Variants in ERCC6 observed in about 807,000 individuals in gnomAD.
ERCC6 encodes ERCC excision repair 6, chromatin remodeling factor.
Under a neutral mutation model 158.7 loss-of-function variants are expected in ERCC6, and 116 were observed. That is an observed-to-expected ratio of 0.73 (90% CI 0.63 to 0.85). The LOEUF (loss-of-function observed/expected upper bound fraction) is 0.85, where lower values mean the gene tolerates loss of function less well. Ranked by LOEUF, ERCC6 falls within the 40% of genes least tolerant of loss-of-function variation. ERCC6 has a pLI of 0.00. For synonymous variants in ERCC6, 678 were observed against 659.3 expected (o/e 1.03, Z -0.43); for missense variants, 1,698 against 1,799.4 (o/e 0.94, Z 1.02).
At chr10:49,506,045 T>C (rs1233475136) in intron 5 of ERCC6, 33 bp from the exon 6 acceptor site, 2 of 1,610,826 alleles carry the variant, frequency 1.2e-6, no homozygotes, top group East Asian at 2.2e-5. Context: ...ATTTCCATTA[T>C]TTTGATCACA....
At chr10:49,471,528 T>G (rs1416588536) in intron 16 of ERCC6, among the ~76,000 whole-genome samples, 1 of 152,042 alleles carries the variant, frequency 6.6e-6, no homozygotes, top group African/African-American at 2.4e-5. Flanking sequence ...TTGCAATGTC[T>G]CCACTCTGAC....
intron 7 of ERCC6, among the ~76,000 whole-genome samples, chr10:49,495,824 G>GCCAGGT (rs1334089459): frequency 6.6e-6 from 1 of 152,144 alleles, no homozygotes; most frequent in East Asian, 1.9e-4. Flanking sequence ...CTGTTGCTAT[G>GCCAGGT]CCAGGTCCAG....
At chr10:49,476,922 C>T (rs1370759525) in intron 11 of ERCC6, among the ~76,000 whole-genome samples, 4 of 152,180 alleles carry the variant, frequency 2.6e-5, no homozygotes, top group Non-Finnish European at 5.9e-5. Flanking sequence ...CCCTTTCAAC[C>T]CCCTGCATCT....
At chr10:49,473,720 A>T in intron 13 of ERCC6, 133 bp from the exon 14 acceptor site, 1 of 745,264 alleles carries the variant, frequency 1.3e-6, no homozygotes, top group South Asian at 1.4e-5. Flanking sequence ...TAGGACAGAT[A>T]AACAGAACTG....
intron 4 of ERCC6, among the ~76,000 whole-genome samples, chr10:49,526,091 TTATA>T (rs1381192956): frequency 3.7e-5 from 4 of 108,690 alleles, no homozygotes; most frequent in Non-Finnish European, 5.6e-5. Flanking sequence ...TTATTTATAT[TTATA>T]TATTTATATA....
At chr10:49,438,130 A>G in the ERCC6 span, among the ~76,000 whole-genome samples, 2 of 152,322 alleles carry the variant, frequency 1.3e-5, no homozygotes, top group South Asian at 2.1e-4. Flanking sequence ...CTGCAGATCC[A>G]GTGTGGACCC....
In ERCC6 at chr10:49,513,342, C is replaced by G. The variant is rs1836857077; in HGVS notation, c.1398-7330G>C. Among the ~76,000 whole-genome samples the G allele has an allele frequency of 3.3e-5, 5 of 152,190 alleles. No individual in the cohort carries two copies. The South Asian group carries it at 1.0e-3, about 31-fold the overall frequency. On this transcript the variant is annotated intron_variant, in intron 5 of 20. Transcript: ENST00000355832. The stretch of plus-strand genomic sequence containing the variant: ...GAGATTACATATACACACATACATA[C>G]ATATTTCTTAATTGGGTCAGAAAAC...
intron 1 of ERCC6, among the ~76,000 whole-genome samples, chr10:49,537,160 A>G (rs1837616886): frequency 6.6e-6 from 1 of 152,134 alleles, no homozygotes; most frequent in Admixed American, 6.5e-5. Flanking sequence ...CCTGACCAAC[A>G]TAGTGAAACC....
At position 49,474,364 on chromosome 10, in the gene ERCC6, T is replaced by C. The variant is rs977081848; in HGVS notation, c.2383-122A>G. On this transcript the variant is annotated intron_variant, in intron 12 of 20. Transcript: ENST00000355832. ...AACAGTTCTCCACCAGCTTCTTAGT[T>C]TCTTCTCTAGTCACAGCATTATCAT... 8 of 744,450 alleles carry C rather than the reference T, an allele frequency of 1.1e-5. No homozygotes were observed. In the African/African-American group the frequency reaches 1.4e-4, roughly 13 times the overall value. 46.1% of individuals were successfully genotyped at this position (744,450 alleles called of 1,614,324 possible).
chr10:49,504,708 C>G (rs1272960366), intron 6 of ERCC6: 1 of 152,058 alleles, frequency 6.6e-6, no homozygotes, highest in Non-Finnish European at 1.5e-5. Context: ...ATAGTTAATT[C>G]TCATTTGGGA....
At chr10:49,502,337 G>A (rs2132577443) in intron 6 of ERCC6, 1 of 152,260 alleles carries the variant, frequency 6.6e-6, no homozygotes, top group East Asian at 1.9e-4. Context: ...TTGGAGAAAA[G>A]AACTAAAAAT....
chr10:49,473,612 T>A (rs763001005), intron 13 of ERCC6, 25 bp from the exon 14 acceptor site: 2 of 1,354,360 alleles, frequency 1.5e-6, no homozygotes, highest in Non-Finnish European at 1.1e-6. Context: ...GGGATAGGAG[T>A]TTGCAAAGCA....
At chr10:49,503,723 CATATT>C (rs1430278282) in intron 6 of ERCC6, 2 of 152,056 alleles carry the variant, frequency 1.3e-5, no homozygotes, top group Non-Finnish European at 2.9e-5. Flanking sequence ...TAAATAAAAA[CATATT>C]ATAGAATCTA....
chr10:49,452,113 ACT>A, downstream of ERCC6, among the ~76,000 whole-genome samples: 1 of 150,130 alleles, frequency 6.7e-6, no homozygotes, highest in Non-Finnish European at 1.5e-5. Flanking sequence ...ATTAATTTCT[ACT>A]CTAATTTTAT....
chr10:49,516,413 A>G lies in ERCC6; in HGVS notation c.1397+7620T>C, dbSNP rs781207767. The G allele has an allele frequency of 1.6e-5, 26 of 1,614,070 alleles. No homozygotes were observed. The South Asian group carries it at 2.4e-4, about 15-fold the overall frequency. On this transcript the variant is annotated intron_variant, in intron 5 of 20. Transcript: ENST00000355832. Reference sequence around the variant, plus strand: ...ATTTGTCCACTGGATCCAAATTTGCATTGTCAGCAACATGCAAATTAGAAA... The same window carrying G: ...ATTTGTCCACTGGATCCAAATTTGCGTTGTCAGCAACATGCAAATTAGAAA...
chr10:49,524,721 C>T lies in ERCC6; in HGVS notation c.709G>A (p.Glu237Lys). 1 of 1,607,324 alleles carries T rather than the reference C, an allele frequency of 6.2e-7. No homozygotes were observed. The change falls in exon 5 of 21, where the codon GAA becomes AAA. Residue 237 changes from glutamate (E) to lysine (K), a missense_variant. Transcript: ENST00000355832. ...MLMPVQETAW[E>K]ELIRTGQMTP... ...ATCTGGCCAGTGCGGATGAGCTCTTCCCAGGCAGTCTCCTGGACAGGCATG... is the reference window on the plus strand; with the variant it reads ...ATCTGGCCAGTGCGGATGAGCTCTTTCCAGGCAGTCTCCTGGACAGGCATG...
intron 5 of ERCC6, 74 bp downstream of exon 5, chr10:49,523,959 G>A: frequency 1.3e-6 from 2 of 1,583,388 alleles, no homozygotes; most frequent in Admixed American, 3.3e-5. Context: ...GATCTAGAAT[G>A]CTTACATATT....
intron 1 of ERCC6, among the ~76,000 whole-genome samples, chr10:49,537,147 C>A (rs924657532): frequency 3.9e-5 from 6 of 152,002 alleles, no homozygotes; most frequent in Non-Finnish European, 7.4e-5. Flanking sequence ...AGTTCGAGAC[C>A]AGCCTGACCA....
Position 49,532,878 on chromosome 10 carries a change from C to T in ERCC6, c.87G>A (p.Met29Ile), listed in dbSNP as rs750735670. Residue 29 changes from methionine (M) to isoleucine (I), a missense_variant, in exon 2 of 21, where the codon ATG (methionine) becomes ATA (isoleucine). Met to Ile is a conservative substitution (Grantham distance 10). Coordinates refer to ENST00000355832, the MANE Select transcript of ERCC6 (RefSeq NM_000124.4). ...CACCACCACTTTCTTGCTTGATTGC[C>T]ATTTCTTCATTATTACTGACAGGTT... ...QSQPVSNNEE[M>I]AIKQESGGDG... 3.1e-6 allele frequency: 5 copies of T among 1,614,224 alleles called. No homozygotes were observed. Among genetic ancestry groups the T allele is most frequent in the Non-Finnish European group, 4.2e-6 (5 of 1,180,046 alleles).
Sources: allele counts gnomAD v4.1 joint callset (sites outside exome capture counted in the v4.1 genomes callset), GRCh38; gene constraint gnomAD v4.1.1; transcripts MANE v1.5; gene names NCBI Gene and HGNC (gene_info 2026-07-23, HGNC 2026-07-21).